DDB2: variants seen among roughly 807,000 people sequenced by gnomAD.
DDB2 encodes the protein DNA damage-binding protein 2.
In DDB2, 27 loss-of-function variants were observed where a neutral mutation model predicts 50.5. The observed-to-expected ratio is 0.53, with a 90% CI of 0.39 to 0.74. DDB2 has a LOEUF of 0.74. DDB2 is among the 30% of genes least tolerant of loss of function. The pLI is 0.00. For synonymous variants in DDB2, 176 were observed against 205.5 expected (o/e 0.86, Z 1.23); for missense variants, 424 against 545.6 (o/e 0.78, Z 2.22).
chr11:47,223,899 C>CT (rs1256091283), intron 3 of DDB2, among the ~76,000 whole-genome samples: 2 of 152,106 alleles, frequency 1.3e-5, no homozygotes, highest in African/African-American at 2.4e-5. Flanking sequence ...GAGGCCAGGA[C>CT]TTTAAGACCA....
chr11:47,222,139 C>T (rs1037819494), intron 3 of DDB2, among the ~76,000 whole-genome samples: 7 of 152,126 alleles, frequency 4.6e-5, no homozygotes, highest in Non-Finnish European at 7.4e-5. Flanking sequence ...GTTATCTATG[C>T]CCCTTTGTAA....
At chr11:47,233,284 A>T (rs555362847) in intron 4 of DDB2, 4 of 413,336 alleles carry the variant, frequency 9.7e-6, no homozygotes, top group Non-Finnish European at 1.8e-5. Flanking sequence ...AACAGCTCAG[A>T]ACTTGAGACT....
chr11:47,216,162 C>T, intron 1 of DDB2, 174 bp from the exon 2 acceptor site: 2 of 960,684 alleles, frequency 2.1e-6, no homozygotes, highest in Non-Finnish European at 3.3e-6. Flanking sequence ...GCCAAATCCT[C>T]ACTCATTTTT....
chr11:47,216,444 G>T lies in DDB2; in HGVS notation c.236G>T (p.Gly79Val), dbSNP rs1473667722. The part of the protein sequence containing the change: ...IVRTLHQHKL[G>V]RASWPSVQQG... ...AGGACCCTCCACCAGCATAAGCTGGGCAGAGCTTCCTGGCCATCTGTCCAG... is the reference window on the plus strand; with the variant it reads ...AGGACCCTCCACCAGCATAAGCTGGTCAGAGCTTCCTGGCCATCTGTCCAG... The change falls in exon 2 of 10, where the codon GGC (glycine) becomes GTC (valine). Residue 79 changes from glycine (G) to valine (V), a missense_variant. By Grantham distance (109) the Gly-to-Val change is moderately radical (BLOSUM62 -3). Transcript: ENST00000256996. The T allele has an allele frequency of 1.9e-6, 3 of 1,613,780 alleles. No homozygotes were observed. Among genetic ancestry groups the T allele is most frequent in the Non-Finnish European group, 2.5e-6 (3 of 1,180,018 alleles).
chr11:47,220,098 T>A (rs915122313), intron 3 of DDB2: 3 of 152,300 alleles, frequency 2.0e-5, no homozygotes, highest in Middle Eastern at 6.3e-3. Flanking sequence ...CAGCAGGAGG[T>A]CTCTTAAGTG....
chr11:47,233,473 A>G, intron 4 of DDB2: 1 of 203,818 alleles, frequency 4.9e-6, no homozygotes, highest in African/African-American at 2.3e-5. Context: ...TGGGAGGCCA[A>G]GGTGGGTGGA....
At position 47,237,915 on chromosome 11, in the gene DDB2, G is replaced by C. The variant is rs777303306; in HGVS notation, c.1102G>C (p.Glu368Gln). 1.9e-6 allele frequency: 3 copies of C among 1,614,108 alleles called. No homozygotes were observed. The change falls in exon 8 of 10, where the codon GAA (glutamate) becomes CAA (glutamine). Residue 368 changes from glutamate (E) to glutamine (Q), a missense_variant. Coordinates refer to ENST00000256996, the MANE Select transcript of DDB2 (RefSeq NM_000107.3). ...DPNFKSCTPYELRTIDVFDGN... is the reference protein window; with the variant it reads ...DPNFKSCTPYQLRTIDVFDGN... Reference sequence around the variant, plus strand: ...TAATTTCAAAAGTTGTACCCCTTATGAATTGAGGACGATCGACGTGTTCGA... The same window carrying C: ...TAATTTCAAAAGTTGTACCCCTTATCAATTGAGGACGATCGACGTGTTCGA...
intron 3 of DDB2, among the ~76,000 whole-genome samples, chr11:47,225,646 A>G (rs1024717111): frequency 6.6e-5 from 10 of 152,148 alleles, no homozygotes; most frequent in African/African-American, 2.2e-4. Flanking sequence ...ACAATTTACA[A>G]TCTTTACTAT....
intron 3 of DDB2, among the ~76,000 whole-genome samples, chr11:47,228,996 TC>T (rs1953604368): frequency 6.7e-6 from 1 of 149,806 alleles, no homozygotes; most frequent in African/African-American, 2.4e-5. Context: ...TATCTATCTA[TC>T]TATCTATCTA....
chr11:47,215,970 A>T (rs1953394790), intron 1 of DDB2: 4 of 370,710 alleles, frequency 1.1e-5, no homozygotes, highest in South Asian at 2.3e-5. Context: ...TTTATTGTGC[A>T]TTATATGTGA....
At chr11:47,225,092 A>G (rs1481919233) in intron 3 of DDB2, among the ~76,000 whole-genome samples, 2 of 151,648 alleles carry the variant, frequency 1.3e-5, no homozygotes, top group Non-Finnish European at 2.9e-5. Context: ...AGTGTGCACC[A>G]CCACGCCCAG....
chr11:47,233,570 T>C (rs1953678988), intron 4 of DDB2: 1 of 161,310 alleles, frequency 6.2e-6, no homozygotes, highest in Non-Finnish European at 1.4e-5. Context: ...TAGCTGGGCG[T>C]GGTGGTAGGC....
intron 3 of DDB2, among the ~76,000 whole-genome samples, chr11:47,222,680 C>T (rs917593262): frequency 1.3e-5 from 2 of 152,198 alleles, no homozygotes; most frequent in Non-Finnish European, 2.9e-5. Context: ...TATTCATTTA[C>T]CTGTTCAAGG....
At position 47,215,118 on chromosome 11, in the gene DDB2, C is replaced by G; in HGVS notation, c.-19C>G. The G allele has an allele frequency of 6.2e-7, 1 of 1,614,034 alleles. No homozygotes were observed. Among genetic ancestry groups the G allele is most frequent in the Non-Finnish European group, 8.5e-7 (1 of 1,179,996 alleles). Reference sequence around the variant, plus strand: ...TGATCTTCGCATAGAGCACAGTACCCCTTCACACGGAGGACGCGATGGCTC... The same window carrying G: ...TGATCTTCGCATAGAGCACAGTACCGCTTCACACGGAGGACGCGATGGCTC... On this transcript the variant is annotated 5_prime_UTR_variant, in exon 1 of 10. Coordinates refer to ENST00000256996, the MANE Select transcript of DDB2 (RefSeq NM_000107.3).
chr11:47,231,683 T>A (rs1020581240), intron 3 of DDB2, among the ~76,000 whole-genome samples: 5 of 152,000 alleles, frequency 3.3e-5, no homozygotes, highest in African/African-American at 1.2e-4. Context: ...CCACCATGTC[T>A]AAATTTTTTT....
chr11:47,223,211 G>A (rs532708882), intron 3 of DDB2, among the ~76,000 whole-genome samples: 14 of 152,326 alleles, frequency 9.2e-5, no homozygotes, highest in Admixed American at 3.9e-4. Context: ...TAGGCTGGGC[G>A]CTGTGGCTTA....
chr11:47,223,340 C>A (rs751023697), intron 3 of DDB2, among the ~76,000 whole-genome samples: 6 of 151,952 alleles, frequency 3.9e-5, no homozygotes, highest in Admixed American at 6.6e-5. Context: ...CAAAAATTAG[C>A]TGGGTGTGGT....
At chr11:47,228,977 A>ATATCTATCTATCTATC (rs59098720) in intron 3 of DDB2, among the ~76,000 whole-genome samples, 39,193 of 124,472 alleles carry the variant, frequency 0.31, 7,178 homozygotes, top group Non-Finnish European at 0.41. Flanking sequence ...AAAAAAAGAA[A>ATATCTATCTATCTATC]TATCTATCTA....
chr11:47,238,020 A>G lies in DDB2; in HGVS notation c.1188+19A>G, dbSNP rs1159959951. ...CAGTTCGGTGAGGCTTGGGTCCTCAAATAATGATGGGAGGAAGCAGGGATT... is the reference window on the plus strand; with the variant it reads ...CAGTTCGGTGAGGCTTGGGTCCTCAGATAATGATGGGAGGAAGCAGGGATT... On this transcript the variant is annotated intron_variant, in intron 8 of 9. Transcript: ENST00000256996. 6.2e-6 allele frequency: 10 copies of G among 1,614,076 alleles called. No homozygotes were observed. Among genetic ancestry groups the G allele is most frequent in the Non-Finnish European group, 8.5e-6 (10 of 1,179,948 alleles).
Sources: gnomAD v4.1 joint callset for allele counts (sites outside exome capture counted in the v4.1 genomes callset) on GRCh38, gnomAD v4.1.1 for gene constraint, MANE v1.5 for transcripts, NCBI Gene and HGNC (gene_info 2026-07-23, HGNC 2026-07-21) for gene names.